Variants in ADGRL3 observed in about 807,000 individuals in gnomAD.
ADGRL3 encodes the protein calcium-independent alpha-latrotoxin receptor 3.
Under a neutral mutation model 153.5 loss-of-function variants are expected in ADGRL3, and 62 were observed. The observed-to-expected ratio is 0.40, with a 90% CI of 0.33 to 0.50. The LOEUF (loss-of-function observed/expected upper bound fraction) is 0.50. ADGRL3 is among the 20% of genes least tolerant of loss of function. ADGRL3 has a pLI of 0.47. For synonymous variants in ADGRL3, 710 were observed against 672.5 expected (o/e 1.06, Z -0.86); for missense variants, 1,641 against 1,859.4 (o/e 0.88, Z 2.16).
intron 8 of ADGRL3, among the ~76,000 whole-genome samples, chr4:61,810,862 CT>C (rs1191115983): frequency 1.3e-5 from 2 of 152,094 alleles, no homozygotes; most frequent in South Asian, 4.1e-4. Flanking sequence ...AAATTCTCTG[CT>C]TTATCTTTCT....
intron 8 of ADGRL3, chr4:61,775,986 C>A: frequency 6.1e-6 from 1 of 163,588 alleles, no homozygotes; most frequent in East Asian, 1.6e-4. Flanking sequence ...CTGCAAGCTC[C>A]GCCTCGAGGG....
At chr4:61,241,247 G>A (rs1754825282) in intron 1 of ADGRL3, among the ~76,000 whole-genome samples, 1 of 151,862 alleles carries the variant, frequency 6.6e-6, no homozygotes, top group African/African-American at 2.4e-5. Flanking sequence ...TGAATAAAGA[G>A]ATAGGATGAT....
rs780528173 is a variant in ADGRL3, at chr4:61,717,196, A to ATGTGTGTG, written c.584-13409_584-13402dup. Among the ~76,000 whole-genome samples the ATGTGTGTG allele has an allele frequency of 5.6e-3, 595 of 106,964 alleles. 4 individuals are homozygous for ATGTGTGTG. Among genetic ancestry groups the ATGTGTGTG allele is most frequent in the Middle Eastern group, 0.018 (4 of 228 alleles). 70.2% of individuals were successfully genotyped at this position (106,964 alleles called of 152,430 possible). On this transcript the variant is annotated intron_variant, in intron 6 of 26. Coordinates refer to ENST00000683033, the MANE Select transcript of ADGRL3 (RefSeq NM_001387552.1). ...CCAAATTCTGTAGGCCACATAGTTT[A>ATGTGTGTG]TGTGTGTGTGTGTGTGTGTGTGTGC...
At chr4:62,046,853 A>T (rs1355990251) in intron 25 of ADGRL3, among the ~76,000 whole-genome samples, 1 of 151,866 alleles carries the variant, frequency 6.6e-6, no homozygotes, top group Middle Eastern at 3.2e-3. Context: ...AGATGAGTGG[A>T]CTACTTGAAA....
rs1158942656 is a variant in ADGRL3, at chr4:62,077,262, A to G, written c.*6354A>G. The G allele has an allele frequency of 1.1e-4, 16 of 151,938 alleles. No individual in the cohort carries two copies. The allele number at this position is 151,938 out of a possible 1,614,324, so 9.4% of individuals were successfully genotyped here. A position where few individuals can be genotyped will look rare whatever the true frequency, so the allele number is the denominator to read the frequency against. ...CAGATTGAATAATTTTTAAATGATG[A>G]TGCTCCACTCTTTGATCTACAGACA... On this transcript the variant is annotated 3_prime_UTR_variant, in exon 27 of 27. Coordinates refer to ENST00000683033, the MANE Select transcript of ADGRL3 (RefSeq NM_001387552.1).
At chr4:61,246,606 T>C (rs1757186765) in intron 1 of ADGRL3, among the ~76,000 whole-genome samples, 1 of 151,942 alleles carries the variant, frequency 6.6e-6, no homozygotes, top group Non-Finnish European at 1.5e-5. Flanking sequence ...TGTTTTATTA[T>C]TTTTCTTATT....
intron 2 of ADGRL3, among the ~76,000 whole-genome samples, chr4:61,450,514 A>G (rs1013012870): frequency 2.6e-5 from 4 of 152,128 alleles, no homozygotes; most frequent in African/African-American, 9.7e-5. Context: ...TGGCATATTG[A>G]GTTCTTTTAC....
intron 1 of ADGRL3, among the ~76,000 whole-genome samples, chr4:61,258,181 G>A (rs1030186944): frequency 3.9e-5 from 6 of 152,250 alleles, no homozygotes; most frequent in Admixed American, 3.9e-4. Context: ...CTGTAGTGGG[G>A]GTTCCAGTAA....
chr4:62,049,398 T>G (rs2151739332), intron 25 of ADGRL3, among the ~76,000 whole-genome samples: 1 of 152,288 alleles, frequency 6.6e-6, no homozygotes, highest in South Asian at 2.1e-4. Flanking sequence ...ATTTAGATTT[T>G]TATGCATAGA....
rs141754668 is a variant in ADGRL3 at position 61,213,777 on chromosome 4, A to G, written c.-240+12012A>G. Among the ~76,000 whole-genome samples, 429 of 152,222 alleles carry G rather than the reference A, an allele frequency of 2.8e-3. 4 individuals carry two copies. The highest frequency in any genetic ancestry group is 9.8e-3 in the African/African-American group (407 of 41,550). ...GATTTATTTAAACATTTACTTATTC[A>G]TGTGGGTTGTCATTTGTTGCTAGAA... On this transcript the variant is annotated intron_variant, in intron 1 of 26. Coordinates refer to ENST00000683033, the MANE Select transcript of ADGRL3 (RefSeq NM_001387552.1).
chr4:61,740,922 C>A (rs576209928), intron 8 of ADGRL3, among the ~76,000 whole-genome samples: 16 of 152,106 alleles, frequency 1.1e-4, no homozygotes, highest in Admixed American at 1.0e-3. Context: ...CAACAAAAAG[C>A]CTACACATAA....
intron 19 of ADGRL3, among the ~76,000 whole-genome samples, chr4:61,995,598 G>A (rs1373515400): frequency 6.6e-6 from 1 of 152,046 alleles, no homozygotes; most frequent in Middle Eastern, 3.2e-3. Context: ...CTTCCATTTT[G>A]TCTTCCTGTC....
chr4:61,645,258 T>C (rs1243543189), intron 5 of ADGRL3, among the ~76,000 whole-genome samples: 1 of 152,184 alleles, frequency 6.6e-6, no homozygotes, highest in African/African-American at 2.4e-5. Context: ...GTCTGTGTCT[T>C]TTAATTGGAG....
At chr4:62,004,310 A>T (rs1322970209) in intron 21 of ADGRL3, among the ~76,000 whole-genome samples, 1 of 152,024 alleles carries the variant, frequency 6.6e-6, no homozygotes, top group Non-Finnish European at 1.5e-5. Flanking sequence ...TCTATACTAT[A>T]GTCAAAGCAG....
In ADGRL3 at chr4:62,008,113, G is replaced by A. The variant is rs536827935; in HGVS notation, c.3395+9848G>A. ...AAGACTTATTAGAGTGGGGTGAAGG[G>A]AGAATGGGAGGGGAGGAGTTAAAAA... On this transcript the variant is annotated intron_variant, in intron 21 of 26. Transcript: ENST00000683033. Among the ~76,000 whole-genome samples the A allele has an allele frequency of 8.5e-5, 13 of 152,252 alleles. No individual in the cohort carries two copies. The South Asian group carries it at 1.9e-3, about 22-fold the overall frequency.
chr4:61,524,589 C>T lies in ADGRL3; in HGVS notation c.259+7071C>T, dbSNP rs1222385452. 3.3e-5 allele frequency among the ~76,000 whole-genome samples: 5 copies of T among 152,098 alleles called. No homozygotes were observed. In the East Asian group the frequency reaches 9.7e-4, roughly 30 times the overall value. On this transcript the variant is annotated intron_variant, in intron 4 of 26. Coordinates refer to ENST00000683033, the MANE Select transcript of ADGRL3 (RefSeq NM_001387552.1). ...CAGATTTGTTTCAGTCTCAGCTTTA[C>T]TGTTTACTAACTATCTTACCCAAGT...
intron 21 of ADGRL3, among the ~76,000 whole-genome samples, chr4:62,025,352 G>T (rs995691320): frequency 7.2e-5 from 11 of 151,986 alleles, no homozygotes; most frequent in Non-Finnish European, 1.6e-4. Context: ...TGTGACTAGG[G>T]GATTAGTATA....
intron 2 of ADGRL3, among the ~76,000 whole-genome samples, chr4:61,424,116 A>G (rs75069260): frequency 0.037 from 5,602 of 152,172 alleles, 120 homozygotes; most frequent in South Asian, 0.085. Flanking sequence ...CAGGTGGGAC[A>G]TGGCTTTATT....
chr4:61,892,423 A>G (rs1343796331), intron 9 of ADGRL3, among the ~76,000 whole-genome samples: 1 of 152,166 alleles, frequency 6.6e-6, no homozygotes, highest in Non-Finnish European at 1.5e-5. Context: ...AAGAACCCTT[A>G]AAAAGCTTGT....
Sources: gnomAD v4.1 joint callset for allele counts (sites outside exome capture counted in the v4.1 genomes callset) on GRCh38, gnomAD v4.1.1 for gene constraint, MANE v1.5 for transcripts, NCBI Gene and HGNC (gene_info 2026-07-23, HGNC 2026-07-21) for gene names.